Variants in SND1 observed in about 807,000 individuals in gnomAD.
The protein encoded by SND1 is staphylococcal nuclease domain-containing protein 1.
Under a neutral mutation model 121.7 loss-of-function variants are expected in SND1, and 38 were observed. That is an observed-to-expected ratio of 0.31 (90% confidence interval 0.24 to 0.41). The LOEUF is 0.41. Among genes scored for constraint, SND1 ranks in the 10% least tolerant of loss-of-function variants. The pLI is 1.00. For missense variants in SND1, 868 were observed against 1,184.6 expected, an observed-to-expected ratio of 0.73 and a Z score of 3.92; for synonymous variants, 401 against 447.4, an observed-to-expected ratio of 0.90 and a Z score of 1.31.
At chr7:127,816,703 A>C (rs1798449226) in intron 11 of SND1, among the ~76,000 whole-genome samples, 1 of 138,268 alleles carries the variant, frequency 7.2e-6, no homozygotes, top group Non-Finnish European at 1.5e-5. Context: ...TCGCTCTGTC[A>C]CCCAGGCTGG....
intron 13 of SND1, among the ~76,000 whole-genome samples, chr7:127,892,784 C>T: frequency 6.6e-6 from 1 of 152,052 alleles, no homozygotes. Flanking sequence ...TGTGTAGCCT[C>T]TGTTTTTTGT....
At chr7:128,011,063 C>A (rs60776739) in intron 16 of SND1, among the ~76,000 whole-genome samples, 2,105 of 151,372 alleles carry the variant, frequency 0.014, 61 homozygotes, top group African/African-American at 0.049. Flanking sequence ...GTACTTACAC[C>A]CCAGTGCCAA....
chr7:127,701,380 T>C, intron 5 of SND1, 57 bp downstream of exon 5: 1 of 1,548,082 alleles, frequency 6.5e-7, no homozygotes, highest in African/African-American at 1.4e-5. Flanking sequence ...CTGTTTGCAC[T>C]CTTTGCTTCT....
At chr7:128,008,464 C>CTT (rs780986426) in intron 16 of SND1, among the ~76,000 whole-genome samples, 24 of 136,070 alleles carry the variant, frequency 1.8e-4, no homozygotes, top group African/African-American at 4.3e-4. Flanking sequence ...TTTTTCTTTC[C>CTT]TTTTTTTTTT....
At chr7:127,677,944 C>T (rs764814630) in intron 1 of SND1, among the ~76,000 whole-genome samples, 31 of 152,180 alleles carry the variant, frequency 2.0e-4, no homozygotes, top group Non-Finnish European at 3.8e-4. Flanking sequence ...ATATTGGACT[C>T]TAAGTCAGCT....
intron 13 of SND1, among the ~76,000 whole-genome samples, chr7:127,890,436 C>A (rs1405682818): frequency 1.7e-4 from 26 of 152,110 alleles, no homozygotes; most frequent in Non-Finnish European, 2.9e-5. Context: ...ACTAAACTAT[C>A]CATGGGATTT....
chr7:127,810,713 A>G (rs1196400827), intron 11 of SND1, among the ~76,000 whole-genome samples: 1 of 152,182 alleles, frequency 6.6e-6, no homozygotes, highest in Non-Finnish European at 1.5e-5. Flanking sequence ...TTTTGCTTTC[A>G]GGAGAATAAG....
intron 11 of SND1, among the ~76,000 whole-genome samples, chr7:127,827,775 CATTTT>C: frequency 6.6e-6 from 1 of 152,080 alleles, no homozygotes; most frequent in Non-Finnish European, 1.5e-5. Context: ...TAATAAGTAT[CATTTT>C]ATTCTCAACA....
chr7:127,861,964 T>G (rs937704795), intron 12 of SND1, among the ~76,000 whole-genome samples: 8 of 152,224 alleles, frequency 5.3e-5, no homozygotes, highest in Non-Finnish European at 1.2e-4. Flanking sequence ...TTGAAGACTT[T>G]TTGACATTGA....
chr7:127,794,127 T>A (rs1797966891), intron 10 of SND1, among the ~76,000 whole-genome samples: 1 of 152,214 alleles, frequency 6.6e-6, no homozygotes. Context: ...GTCATCTTCC[T>A]TCGTTAAGGT....
At chr7:127,973,813 A>G (rs913503768) in intron 15 of SND1, among the ~76,000 whole-genome samples, 2 of 152,208 alleles carry the variant, frequency 1.3e-5, no homozygotes, top group Admixed American at 6.5e-5. Context: ...CTGACCTTTT[A>G]TGTATTAAGT....
intron 12 of SND1, among the ~76,000 whole-genome samples, chr7:127,860,836 A>G (rs1167226414): frequency 6.6e-6 from 1 of 152,226 alleles, no homozygotes; most frequent in East Asian, 1.9e-4. Context: ...AATAAATTCA[A>G]GTATAATCAT....
intron 10 of SND1, among the ~76,000 whole-genome samples, chr7:127,770,290 C>A (rs1387576888): frequency 6.6e-6 from 1 of 152,050 alleles, no homozygotes; most frequent in Non-Finnish European, 1.5e-5. Flanking sequence ...GGGTGAAATA[C>A]AAATAAATAC....
intron 16 of SND1, among the ~76,000 whole-genome samples, chr7:128,045,804 A>T (rs1792406769): frequency 6.6e-6 from 1 of 152,148 alleles, no homozygotes; most frequent in Non-Finnish European, 1.5e-5. Flanking sequence ...GACCACAAGT[A>T]CCTTTCTTGG....
chr7:127,778,997 A>G (rs1186283833), intron 10 of SND1, among the ~76,000 whole-genome samples: 4 of 152,186 alleles, frequency 2.6e-5, no homozygotes, highest in Non-Finnish European at 5.9e-5. Context: ...GTGTCATTTT[A>G]AGTTCATTTG....
chr7:127,941,640 G>A (rs2116839895), intron 15 of SND1, among the ~76,000 whole-genome samples: 1 of 152,256 alleles, frequency 6.6e-6, no homozygotes, highest in East Asian at 1.9e-4. Context: ...TTTGGATGCA[G>A]CCCCTGTGCT....
chr7:127,888,069 C>T (rs973686977), intron 13 of SND1, 57 bp downstream of exon 13: 3 of 1,213,746 alleles, frequency 2.5e-6, no homozygotes, highest in African/African-American at 3.0e-5. Context: ...TTTTTCTTTC[C>T]CAGTTTTGTG....
chr7:127,815,757 A>G (rs776243575), intron 11 of SND1, among the ~76,000 whole-genome samples: 5 of 152,012 alleles, frequency 3.3e-5, no homozygotes, highest in Non-Finnish European at 7.4e-5. Context: ...TTGAGGGGGT[A>G]ATTTGCGGTA....
At position 128,035,267 on chromosome 7, in the gene SND1, A is replaced by G. The variant is rs145288952; in HGVS notation, c.1780-39235A>G. Among the ~76,000 whole-genome samples the G allele has an allele frequency of 1.6e-4, 25 of 152,366 alleles. 1 individual carries two copies. In the East Asian group the frequency reaches 4.1e-3, roughly 25 times the overall value. ...AAGTTTCTTACCGCTCTCTTAGTCC[A>G]TGATTCCTGTCCCATCTCAGATATG... On this transcript the variant is annotated intron_variant, in intron 16 of 23. Transcript: ENST00000354725.
Sources: gnomAD v4.1 joint callset for allele counts (sites outside exome capture counted in the v4.1 genomes callset) on GRCh38, gnomAD v4.1.1 for gene constraint, MANE v1.5 for transcripts, NCBI Gene and HGNC (gene_info 2026-07-23, HGNC 2026-07-21) for gene names.